Variants in AP3S2 observed in about 807,000 individuals in gnomAD.
The protein encoded by AP3S2 is adaptor related protein complex 3 subunit sigma 2.
In AP3S2, 22 loss-of-function variants were observed where a neutral mutation model predicts 23.4. The observed-to-expected ratio is 0.94, with a 90% confidence interval of 0.67 to 1.34. The LOEUF (loss-of-function observed/expected upper bound fraction) is 1.34. Among genes scored for constraint, AP3S2 ranks in the 40% most tolerant of loss-of-function variants. The pLI is 0.00. For synonymous variants in AP3S2, 86 were observed against 87.1 expected (o/e 0.99, Z 0.07); for missense variants, 241 against 236.9 (o/e 1.02, Z -0.11).
chr15:89,860,142 T>C (rs926960398), intron 4 of AP3S2, among the ~76,000 whole-genome samples: 1 of 152,170 alleles, frequency 6.6e-6, no homozygotes, highest in Non-Finnish European at 1.5e-5. Flanking sequence ...ACACTAAGAA[T>C]TGAAGATAAC....
At chr15:89,873,442 G>C (rs572412636) in intron 3 of AP3S2, among the ~76,000 whole-genome samples, 5 of 152,000 alleles carry the variant, frequency 3.3e-5, no homozygotes, top group South Asian at 2.1e-4. Flanking sequence ...GCACCACCAC[G>C]CCTGGCTAAT....
intron 4 of AP3S2, among the ~76,000 whole-genome samples, chr15:89,849,990 C>T (rs1895605254): frequency 6.6e-6 from 1 of 152,150 alleles, no homozygotes; most frequent in Non-Finnish European, 1.5e-5. Context: ...ATCCATGTCC[C>T]TGCAAAGGAC....
chr15:89,844,429 C>T (rs1258356833), intron 4 of AP3S2, among the ~76,000 whole-genome samples: 1 of 151,834 alleles, frequency 6.6e-6, no homozygotes, highest in Non-Finnish European at 1.5e-5. Context: ...CCTTGAACTC[C>T]TGGGCTCCAG....
intron 4 of AP3S2, among the ~76,000 whole-genome samples, chr15:89,840,041 G>A (rs1022861379): frequency 6.6e-6 from 1 of 152,168 alleles, no homozygotes; most frequent in Admixed American, 6.5e-5. Context: ...AACGGGGGCT[G>A]CCATGAGGCA....
At chr15:89,883,570 G>A (rs1896623246) in intron 3 of AP3S2, among the ~76,000 whole-genome samples, 1 of 151,880 alleles carries the variant, frequency 6.6e-6, no homozygotes, top group African/African-American at 2.4e-5. Context: ...ATAGAGACTA[G>A]GTCTCACTAT....
At chr15:89,893,447 CA>C (rs1033154492) in intron 1 of AP3S2, 2,707 of 297,120 alleles carry the variant, frequency 9.1e-3, no homozygotes, top group Middle Eastern at 0.016. Context: ...AAAATAATTC[CA>C]AAAAAAAAAG....
chr15:89,849,641 A>G (rs1257103920), intron 4 of AP3S2, among the ~76,000 whole-genome samples: 2 of 152,172 alleles, frequency 1.3e-5, no homozygotes, highest in East Asian at 1.9e-4. Flanking sequence ...TGCTGGGATT[A>G]CAGGCATGAG....
Position 89,859,304 on chromosome 15 carries a change from CT to C in AP3S2, c.345+12170del, listed in dbSNP as rs541883950. On this transcript the variant is annotated intron_variant, in intron 4 of 5. Transcript: ENST00000336418. ...TTCCTTTTTTCTTTTCTTTTTCTTC[CT>C]TCCTTCCTTTCCTTCCTTCCTTTTT... Among the ~76,000 whole-genome samples the C allele has an allele frequency of 5.4e-4, 77 of 143,634 alleles. 1 individual carries two copies. The South Asian group carries it at 0.016, about 30-fold the overall frequency. 94.2% of individuals were successfully genotyped at this position (143,634 alleles called of 152,430 possible). A position where few individuals can be genotyped will look rare whatever the true frequency, so the allele number is the denominator to read the frequency against.
intron 1 of AP3S2, chr15:89,893,380 T>G (rs191284684): frequency 5.5e-5 from 12 of 217,884 alleles, no homozygotes; most frequent in East Asian, 2.9e-4. Flanking sequence ...CTGATTTTCT[T>G]CAACCCTAAG....
chr15:89,844,241 TTCTTTCTTTCTTTCTTTCTTTCTTTC>T (rs1567173770), intron 4 of AP3S2, among the ~76,000 whole-genome samples: 1 of 55,226 alleles, frequency 1.8e-5, no homozygotes, highest in Non-Finnish European at 4.6e-5. Flanking sequence ...CTTTCTTTCT[TTCTTTCTTTCTTTCTTTCTTTCTTTC>T]TTTCTCTCTC....
chr15:89,839,459 T>C (rs903834450), intron 4 of AP3S2, among the ~76,000 whole-genome samples: 1 of 152,228 alleles, frequency 6.6e-6, no homozygotes, highest in African/African-American at 2.4e-5. Flanking sequence ...ATTAGCTATA[T>C]GCAAATGAAG....
chr15:89,879,802 T>C (rs1896528443), intron 3 of AP3S2, among the ~76,000 whole-genome samples: 1 of 151,924 alleles, frequency 6.6e-6, no homozygotes, highest in East Asian at 1.9e-4. Context: ...GAGATACAGT[T>C]TCACCATGTT....
chr15:89,837,824 C>CCACT, intron 4 of AP3S2, 102 bp from the exon 5 acceptor site: 1 of 1,376,944 alleles, frequency 7.3e-7, no homozygotes, highest in Non-Finnish European at 1.0e-6. Flanking sequence ...TCAGATATGA[C>CCACT]CTGTCCTGAC....
At chr15:89,880,961 G>A (rs1896557058) in intron 3 of AP3S2, among the ~76,000 whole-genome samples, 1 of 152,194 alleles carries the variant, frequency 6.6e-6, no homozygotes, top group African/African-American at 2.4e-5. Flanking sequence ...TGTCCTAAGT[G>A]CCCTGAAGGA....
chr15:89,887,689 G>A (rs2141901778), intron 3 of AP3S2, among the ~76,000 whole-genome samples: 1 of 151,684 alleles, frequency 6.6e-6, no homozygotes, highest in Non-Finnish European at 1.5e-5. Context: ...TTATTTTTTT[G>A]AGACGGAGTC....
chr15:89,864,284 C>T (rs763864922), intron 4 of AP3S2, among the ~76,000 whole-genome samples: 87 of 152,240 alleles, frequency 5.7e-4, no homozygotes, highest in Admixed American at 1.6e-3. Context: ...GGCATCCTTA[C>T]AGATGTTTAC....
chr15:89,852,765 C>G (rs2141852875), intron 4 of AP3S2: 1 of 152,406 alleles, frequency 6.6e-6, no homozygotes, highest in East Asian at 1.9e-4. Flanking sequence ...CCCACAGTTC[C>G]TGCTCCTTCT....
At chr15:89,845,429 C>T (rs1567174228) in intron 4 of AP3S2, 1 of 152,084 alleles carries the variant, frequency 6.6e-6, no homozygotes, top group East Asian at 1.9e-4. Context: ...TGAAGTTGAC[C>T]ATGAAAGATG....
At chr15:89,838,029 C>T (rs1895238272) in intron 4 of AP3S2, 1 of 302,872 alleles carries the variant, frequency 3.3e-6, no homozygotes, top group Non-Finnish European at 6.4e-6. Context: ...GGCAAATGAC[C>T]TTTAAAGTGC....
Sources: allele counts gnomAD v4.1 joint callset (sites outside exome capture counted in the v4.1 genomes callset), GRCh38; gene constraint gnomAD v4.1.1; transcripts MANE v1.5; gene names NCBI Gene and HGNC (gene_info 2026-07-23, HGNC 2026-07-21).